The following ATP13A3 variants were observed in gnomAD, a reference collection of about 807,000 sequenced individuals.
ATP13A3 encodes polyamine-transporting ATPase 13A3.
ATP13A3 carries 59 observed loss-of-function variants against 158.1 expected under a neutral mutation model. The ratio of observed to expected loss-of-function variants is 0.37; its 90% CI spans 0.30 to 0.46. ATP13A3 has a LOEUF of 0.46. Among genes scored for constraint, ATP13A3 ranks in the 20% least tolerant of loss-of-function variants. The pLI is 1.00. For missense variants in ATP13A3, 1,166 were observed against 1,525.2 expected, an observed-to-expected ratio of 0.76 and a Z score of 3.92; for synonymous variants, 491 against 504.3, an observed-to-expected ratio of 0.97 and a Z score of 0.35.
intron 2 of ATP13A3, among the ~76,000 whole-genome samples, chr3:194,483,290 GA>G (rs199830648): frequency 0.018 from 2,619 of 146,250 alleles, 81 homozygotes; most frequent in African/African-American, 0.063. Flanking sequence ...TCTCTGGGGG[GA>G]AAAAAAAAGA....
At chr3:194,452,703 C>T (rs1391296927) in intron 10 of ATP13A3, 1 of 152,158 alleles carries the variant, frequency 6.6e-6, no homozygotes, top group Non-Finnish European at 1.5e-5. Context: ...CTCTCCTTCT[C>T]TCAGCCTCCC....
intron 2 of ATP13A3, among the ~76,000 whole-genome samples, chr3:194,482,776 C>T (rs773921360): frequency 2.0e-5 from 3 of 151,796 alleles, no homozygotes; most frequent in Non-Finnish European, 2.9e-5. Flanking sequence ...AGTTCTGAGA[C>T]AAGCCTGGGC....
chr3:194,468,755 T>A (rs560960642), intron 2 of ATP13A3, among the ~76,000 whole-genome samples: 33 of 152,238 alleles, frequency 2.2e-4, no homozygotes, highest in Non-Finnish European at 4.4e-4. Context: ...CGAAGTGATT[T>A]AAATAACGAC....
intron 2 of ATP13A3, among the ~76,000 whole-genome samples, chr3:194,473,085 A>T (rs1720379984): frequency 6.6e-6 from 1 of 152,200 alleles, no homozygotes; most frequent in South Asian, 2.1e-4. Context: ...CCCAAATCTT[A>T]GCATCACACA....
intron 2 of ATP13A3, among the ~76,000 whole-genome samples, chr3:194,484,159 CCT>C (rs1406685516): frequency 6.6e-6 from 1 of 152,094 alleles, no homozygotes; most frequent in African/African-American, 2.4e-5. Flanking sequence ...GAGACAGAAA[CCT>C]CTGTGTTAAG....
chr3:194,427,230 T>G lies in ATP13A3; in HGVS notation c.2970A>C (p.Lys990Asn). 3 of 1,605,014 alleles carry G rather than the reference T, an allele frequency of 1.9e-6. No homozygotes were observed. Among genetic ancestry groups the G allele is most frequent in the Non-Finnish European group, 2.5e-6 (3 of 1,178,086 alleles). ...AAGGTGGTCTTTGTGCCACAAGTTC[T>G]TTCCAGGCAGGATTTAAACTCACTA... ...VFTMSLNPAW[K>N]ELVAQRPPSG... Residue 990 changes from lysine to asparagine, a missense_variant, in exon 29 of 34, where the codon AAA becomes AAC. Physicochemically the swap from Lys to Asn is moderately conservative, Grantham distance 94. Coordinates refer to ENST00000645319, the MANE Select transcript of ATP13A3 (RefSeq NM_001367549.1).
At chr3:194,451,462 T>C (rs1396794172) in intron 10 of ATP13A3, 3 of 152,212 alleles carry the variant, frequency 2.0e-5, no homozygotes, top group Non-Finnish European at 2.9e-5. Context: ...AAGATTCAAG[T>C]TGAATGGTAT....
chr3:194,490,219 C>T (rs1219095662), upstream of ATP13A3, among the ~76,000 whole-genome samples: 9 of 152,172 alleles, frequency 5.9e-5, no homozygotes, highest in Non-Finnish European at 1.2e-4. This position sits in a 1 kb window ranked among gnomAD's most constrained non-coding sequence, Gnocchi z 4.4. Context: ...CGCAAATCTG[C>T]GCATCATCCT....
At position 194,413,305 on chromosome 3, in the gene ATP13A3, A is replaced by T. The variant is rs145712423; in HGVS notation, c.3483+454T>A. ...ATTAGGTAAGTCCATAACGATTATT[A>T]TTTTATACTTTCATTAAACTCTCTT... On this transcript the variant is annotated intron_variant, in intron 32 of 33. Transcript: ENST00000645319. 5.9e-5 allele frequency among the ~76,000 whole-genome samples: 9 copies of T among 152,322 alleles called. No homozygotes were observed. In the East Asian group the frequency reaches 1.7e-3, roughly 29 times the overall value.
intron 28 of ATP13A3, among the ~76,000 whole-genome samples, chr3:194,428,359 T>C (rs911921496): frequency 1.3e-5 from 2 of 152,196 alleles, no homozygotes; most frequent in Non-Finnish European, 2.9e-5. Context: ...TAAAGATAAG[T>C]GGTTCTCAAC....
intron 31 of ATP13A3, among the ~76,000 whole-genome samples, chr3:194,414,572 A>G (rs1187985094): frequency 1.3e-5 from 2 of 152,196 alleles, no homozygotes; most frequent in Non-Finnish European, 2.9e-5. Context: ...CTAAGTGTTC[A>G]CTTTAAAATC....
intron 29 of ATP13A3, among the ~76,000 whole-genome samples, chr3:194,426,265 T>C (rs1170403342): frequency 2.6e-5 from 4 of 152,174 alleles, no homozygotes; most frequent in Admixed American, 2.0e-4. Context: ...CTTCTAAAAA[T>C]TTTAAAGATA....
At chr3:194,457,051 T>G (rs1158508691) in intron 7 of ATP13A3, 43 bp downstream of exon 7, 2 of 1,469,134 alleles carry the variant, frequency 1.4e-6, no homozygotes, top group African/African-American at 1.4e-5. Flanking sequence ...CTACTGCTTT[T>G]AGGAATTTTG....
chr3:194,430,819 G>T, intron 24 of ATP13A3, 124 bp downstream of exon 24: 1 of 684,436 alleles, frequency 1.5e-6, no homozygotes. Flanking sequence ...CTATCTTATA[G>T]ATCACAATTA....
rs757225046 is a variant in ATP13A3, at chr3:194,459,814, T to A, written c.383A>T (p.Lys128Ile). The A allele has an allele frequency of 6.2e-7, 1 of 1,612,372 alleles. No individual in the cohort carries two copies. Among genetic ancestry groups the A allele is most frequent in the East Asian group, 2.2e-5 (1 of 44,766 alleles). Reference protein sequence around the residue: ...PTEENRHRISKYSQTESQQIR... With the variant: ...PTEENRHRISIYSQTESQQIR... ...CTGTTGTGATTCAGTCTGTGAATAT[T>A]TACTGATCCTGTGCCTATTTTCTTC... Residue 128 changes from lysine to isoleucine, a missense_variant, in exon 5 of 34, where the codon AAA becomes ATA. This residue lies in a region of ATP13A3 where 104 missense variants were observed against 91.7 expected (regional missense o/e 1.13). Transcript: ENST00000645319.
intron 31 of ATP13A3, among the ~76,000 whole-genome samples, chr3:194,418,825 T>C (rs1577031787): frequency 6.6e-6 from 1 of 152,112 alleles, no homozygotes; most frequent in Non-Finnish European, 1.5e-5. Flanking sequence ...GTGGAAGGAG[T>C]ATATTACCAC....
intron 16 of ATP13A3, 67 bp downstream of exon 16, chr3:194,441,244 A>G: frequency 1.6e-6 from 2 of 1,283,774 alleles, no homozygotes; most frequent in Non-Finnish European, 2.2e-6. Flanking sequence ...TAATCCTTGT[A>G]TGAGGTAATT....
chr3:194,432,692 G>T (rs1363432453), intron 21 of ATP13A3, among the ~76,000 whole-genome samples: 5 of 152,040 alleles, frequency 3.3e-5, no homozygotes, highest in African/African-American at 1.2e-4. Context: ...TGAGTTATAC[G>T]GTAAAATTAT....
At chr3:194,469,849 A>G (rs1426826334) in intron 2 of ATP13A3, among the ~76,000 whole-genome samples, 2 of 152,220 alleles carry the variant, frequency 1.3e-5, no homozygotes, top group African/African-American at 4.8e-5. Flanking sequence ...CCAGTTCAAA[A>G]TCAGTTCTAC....
Sources: gnomAD v4.1 joint callset for allele counts (sites outside exome capture counted in the v4.1 genomes callset) on GRCh38, gnomAD v4.1.1 for gene constraint, gnomAD v4.1.1 regional missense constraint, Gnocchi (gnomAD v3.1) non-coding constraint, MANE v1.5 for transcripts, NCBI Gene and HGNC (gene_info 2026-07-23, HGNC 2026-07-21) for gene names.